MICAL3: variants seen among roughly 807,000 people sequenced by gnomAD.
The protein encoded by MICAL3 is [F-actin]-monooxygenase MICAL3.
Under a neutral mutation model 207.4 loss-of-function variants are expected in MICAL3, and 62 were observed. The observed-to-expected ratio is 0.30, with a 90% CI of 0.24 to 0.37. The LOEUF is 0.37. Among genes scored for constraint, MICAL3 ranks in the 10% least tolerant of loss-of-function variants. MICAL3 has a pLI of 1.00. For missense variants in MICAL3, 2,368 were observed against 2,635.6 expected (o/e 0.90, Z 2.22); for synonymous variants, 1,077 against 1,069.3 (o/e 1.01, Z -0.14).
At chr22:17,875,480 G>A (rs1390180970) in intron 16 of MICAL3, 2 of 1,557,866 alleles carry the variant, frequency 1.3e-6, no homozygotes, top group Admixed American at 2.0e-5. Context: ...GAGAGGCGGG[G>A]CGGGCAGAGG....
At chr22:17,838,115 T>C (rs1285358679) in intron 20 of MICAL3, among the ~76,000 whole-genome samples, 1 of 152,240 alleles carries the variant, frequency 6.6e-6, no homozygotes, top group Non-Finnish European at 1.5e-5. Context: ...GCAATTATAT[T>C]TTTAGCCAAG....
chr22:17,937,626 G>A (rs987136966), intron 1 of MICAL3, among the ~76,000 whole-genome samples: 1 of 152,206 alleles, frequency 6.6e-6, no homozygotes, highest in African/African-American at 2.4e-5. Context: ...TCACGCCATT[G>A]TACTCCAGCC....
At position 17,818,628 on chromosome 22, in the gene MICAL3, G is replaced by A. The variant is rs143851801; in HGVS notation, c.4033C>T (p.Arg1345Cys). The change falls in exon 26 of 32, where the codon CGC becomes TGC. Residue 1345 changes from arginine (R) to cysteine (C), a missense_variant. Around this residue, in one of 4 missense-constraint regions of MICAL3, gnomAD observed 1,770 missense variants for 1,863.2 expected, o/e 0.95. Transcript: ENST00000441493. ...AAGCTGGGCTCGGGCCCCTTGCTGCGGTCCACAGGTGTGAGCCCGAGGCTG... is the reference window on the plus strand; with the variant it reads ...AAGCTGGGCTCGGGCCCCTTGCTGCAGTCCACAGGTGTGAGCCCGAGGCTG... ...RRSLGLTPVD[R>C]SKGPEPSFPT... The A allele has an allele frequency of 6.8e-6, 11 of 1,613,594 alleles. No individual in the cohort carries two copies. The highest frequency in any genetic ancestry group is 4.0e-5 in the African/African-American group (3 of 75,056).
At chr22:17,894,904 T>C (rs1440778851) in intron 10 of MICAL3, among the ~76,000 whole-genome samples, 1 of 152,158 alleles carries the variant, frequency 6.6e-6, no homozygotes, top group Non-Finnish European at 1.5e-5. Flanking sequence ...TTCCCATTTT[T>C]CAGGTAAAGA....
chr22:17,994,222 G>A lies in MICAL3; in HGVS notation c.-75+30059C>T, dbSNP rs1378948169. On this transcript the variant is annotated intron_variant, in intron 1 of 31. Transcript: ENST00000441493. ...AGGAGCTTTGTTGGTGGAGGAGGGA[G>A]GAATATGGCTAGAACCTCTGTAAGC... Among the ~76,000 whole-genome samples, 3 of 152,224 alleles carry A rather than the reference G, an allele frequency of 2.0e-5. No homozygotes were observed. The South Asian group carries it at 6.2e-4, about 32-fold the overall frequency.
At chr22:17,901,743 A>T in intron 5 of MICAL3, 135 bp downstream of exon 5, 1 of 535,610 alleles carries the variant, frequency 1.9e-6, no homozygotes, top group Non-Finnish European at 3.2e-6. Context: ...GGGGCCTGCC[A>T]TTCCATCAGG....
chr22:17,875,008 C>T (rs1928142418), intron 16 of MICAL3, among the ~76,000 whole-genome samples: 1 of 152,246 alleles, frequency 6.6e-6, no homozygotes, highest in Non-Finnish European at 1.5e-5. Flanking sequence ...CAGCCGCGTA[C>T]ATTCCTCAAA....
intron 1 of MICAL3, among the ~76,000 whole-genome samples, chr22:17,934,605 C>T (rs771995167): frequency 1.3e-5 from 2 of 152,118 alleles, no homozygotes; most frequent in Admixed American, 6.6e-5. Context: ...AAGTTCTGGA[C>T]AGGGCAATCA....
intron 1 of MICAL3, among the ~76,000 whole-genome samples, chr22:17,999,242 G>A (rs1922657891): frequency 1.3e-5 from 2 of 152,198 alleles, no homozygotes; most frequent in African/African-American, 4.8e-5. Context: ...ACTGAATGGT[G>A]TACCACTCTT....
rs371343725 is a variant in MICAL3 at position 17,964,229 on chromosome 22, GGAA to G, written c.-74-57346_-74-57344del. Among the ~76,000 whole-genome samples the G allele has an allele frequency of 2.3e-3, 348 of 152,318 alleles. 2 individuals carry two copies. The highest frequency in any genetic ancestry group is 7.6e-3 in the African/African-American group (317 of 41,572). On this transcript the variant is annotated intron_variant, in intron 1 of 31. Coordinates refer to ENST00000441493, the MANE Select transcript of MICAL3 (RefSeq NM_015241.3). ...AAATCTGCCTCTCCTCAGCTCAAGA[GGAA>G]GAAGGCCAGCCTGCTGTTGCCCTCT... is the stretch of plus-strand genomic sequence containing the variant.
chr22:17,873,112 G>A (rs550853386), intron 16 of MICAL3, among the ~76,000 whole-genome samples: 7 of 152,324 alleles, frequency 4.6e-5, no homozygotes, highest in African/African-American at 1.7e-4. Flanking sequence ...GGGAAGAACT[G>A]GGTCTCTCCC....
chr22:17,872,348 G>A (rs1927808101), intron 16 of MICAL3, among the ~76,000 whole-genome samples: 2 of 152,194 alleles, frequency 1.3e-5, no homozygotes, highest in South Asian at 4.1e-4. Flanking sequence ...GCGACGCCGG[G>A]AAATATCGAC....
chr22:18,012,234 C>A (rs1569167087), intron 1 of MICAL3, among the ~76,000 whole-genome samples: 6 of 151,798 alleles, frequency 4.0e-5, no homozygotes. Flanking sequence ...GGCTCTGACT[C>A]AAAAAAAATT....
chr22:17,969,167 G>A (rs1418230516), intron 1 of MICAL3, among the ~76,000 whole-genome samples: 3 of 152,140 alleles, frequency 2.0e-5, no homozygotes, highest in Non-Finnish European at 4.4e-5. Context: ...AGCCTCCCGA[G>A]TAGCTGGGAT....
chr22:17,815,194 G>C (rs2062091512), intron 27 of MICAL3: 1 of 152,482 alleles, frequency 6.6e-6, no homozygotes, highest in Non-Finnish European at 1.5e-5. Context: ...CTTGTTCCTG[G>C]GGTCCTGTTC....
intron 1 of MICAL3, among the ~76,000 whole-genome samples, chr22:18,006,899 C>T (rs935538836): frequency 1.1e-4 from 16 of 152,186 alleles, no homozygotes; most frequent in African/African-American, 3.1e-4. Context: ...CTCAGCCACC[C>T]GGACTGGAGT....
chr22:17,922,467 T>C (rs1324461872), intron 1 of MICAL3, among the ~76,000 whole-genome samples: 1 of 152,116 alleles, frequency 6.6e-6, no homozygotes, highest in Non-Finnish European at 1.5e-5. Flanking sequence ...CTAAGGCATA[T>C]TAGGAGTCTG....
At chr22:17,907,596 A>G (rs918946682) in intron 1 of MICAL3, among the ~76,000 whole-genome samples, 3 of 152,192 alleles carry the variant, frequency 2.0e-5, no homozygotes, top group Non-Finnish European at 4.4e-5. Context: ...GGCAGTAGCT[A>G]AGCATACAAA....
At position 17,906,848 on chromosome 22, in the gene MICAL3, T is replaced by G. The variant is rs1931757182; in HGVS notation, c.-36A>C. The G allele has an allele frequency of 6.5e-7, 1 of 1,536,614 alleles. No homozygotes were observed. Among genetic ancestry groups the G allele is most frequent in the African/African-American group, 1.4e-5 (1 of 72,220 alleles). On this transcript the variant is annotated 5_prime_UTR_variant, in exon 2 of 32. Transcript: ENST00000441493. ...TCTCAGCACTCCCCAGAGGGGGAGG[T>G]GGGATGGCTGTGGGTCCACCTGACA...
Sources: allele counts gnomAD v4.1 joint callset (sites outside exome capture counted in the v4.1 genomes callset), GRCh38; gene constraint gnomAD v4.1.1; regional missense constraint gnomAD v4.1.1; transcripts MANE v1.5; gene names NCBI Gene and HGNC (gene_info 2026-07-23, HGNC 2026-07-21).